SH3GL3: variants seen among roughly 807,000 people sequenced by gnomAD.
The protein encoded by SH3GL3 is endophilin-A3.
A neutral mutation model predicts 47.7 loss-of-function variants in SH3GL3; 33 were observed. The ratio of observed to expected loss-of-function variants is 0.69; its 90% CI spans 0.52 to 0.92. The LOEUF (loss-of-function observed/expected upper bound fraction) is 0.92, where lower values mean the gene tolerates loss of function less well. SH3GL3 is among the 40% of genes least tolerant of loss of function. SH3GL3 has a pLI of 0.00. For synonymous variants in SH3GL3, 155 were observed against 148.8 expected, an observed-to-expected ratio of 1.04 and a Z score of -0.30; for missense variants, 363 against 417.8, an observed-to-expected ratio of 0.87 and a Z score of 1.14.
chr15:83,566,365 AGTGTGTGTGTGTGTGTGTGTGT>A (rs57323112), intron 3 of SH3GL3, among the ~76,000 whole-genome samples: 1 of 136,626 alleles, frequency 7.3e-6, no homozygotes, highest in African/African-American at 2.7e-5. Flanking sequence ...AGAGAGAGAG[AGTGTGTGTGTGTGTGTGTGTGT>A]GTGTGTGTGT....
intron 1 of SH3GL3, among the ~76,000 whole-genome samples, chr15:83,558,010 G>A (rs558579063): frequency 3.3e-5 from 5 of 152,028 alleles, no homozygotes; most frequent in Admixed American, 1.3e-4. Context: ...TAGTAATACC[G>A]CATGTGTAAT....
intron 1 of SH3GL3, among the ~76,000 whole-genome samples, chr15:83,499,983 T>A (rs971906766): frequency 6.6e-6 from 1 of 152,182 alleles, no homozygotes; most frequent in East Asian, 1.9e-4. Context: ...AATGGACACA[T>A]GACACTGGAG....
intron 1 of SH3GL3, among the ~76,000 whole-genome samples, chr15:83,494,826 GACCCACCGC>G (rs943852957): frequency 6.6e-6 from 1 of 152,130 alleles, no homozygotes; most frequent in Admixed American, 6.6e-5. Flanking sequence ...TTACAGGTGT[GACCCACCGC>G]ACCTGGCCGC....
At chr15:83,539,583 A>G (rs1423552861) in intron 1 of SH3GL3, among the ~76,000 whole-genome samples, 3 of 152,138 alleles carry the variant, frequency 2.0e-5, no homozygotes, top group Admixed American at 2.0e-4. Context: ...TAAAATATTG[A>G]ATCTATTTGC....
At chr15:83,453,694 C>A (rs1377681565) in intron 1 of SH3GL3, among the ~76,000 whole-genome samples, 2 of 88,720 alleles carry the variant, frequency 2.3e-5, no homozygotes, top group African/African-American at 8.4e-5. Context: ...TGATTCTTCT[C>A]TCTTTTTTTC....
chr15:83,553,199 G>A (rs1408854855), intron 1 of SH3GL3, among the ~76,000 whole-genome samples: 1 of 152,090 alleles, frequency 6.6e-6, no homozygotes, highest in Non-Finnish European at 1.5e-5. Context: ...GCAACAAAGC[G>A]AGACCCTGTC....
intron 1 of SH3GL3, among the ~76,000 whole-genome samples, chr15:83,511,653 A>G (rs1413840612): frequency 6.6e-6 from 1 of 151,862 alleles, no homozygotes; most frequent in African/African-American, 2.4e-5. Flanking sequence ...AAGTCTAGAA[A>G]CTCCTATTTC....
At chr15:83,473,845 C>A (rs1164742738) in intron 1 of SH3GL3, among the ~76,000 whole-genome samples, 1 of 147,066 alleles carries the variant, frequency 6.8e-6, no homozygotes, top group East Asian at 2.1e-4. Context: ...CCGCGCCCGG[C>A]CTGTTGGGGC....
the SH3GL3 span, among the ~76,000 whole-genome samples, chr15:83,624,286 G>C: frequency 6.6e-6 from 1 of 152,174 alleles, no homozygotes. Context: ...CCTGGCCCCA[G>C]TGTATAACTG....
chr15:83,550,534 TG>T (rs534221050), intron 1 of SH3GL3, among the ~76,000 whole-genome samples: 103 of 152,130 alleles, frequency 6.8e-4, no homozygotes, highest in Non-Finnish European at 1.2e-3. Flanking sequence ...GGATTACAGG[TG>T]TGCACCACCA....
At chr15:83,576,796 A>G (rs1596296259) in intron 6 of SH3GL3, 55 bp downstream of exon 6, 2 of 1,260,500 alleles carry the variant, frequency 1.6e-6, no homozygotes, top group African/African-American at 1.5e-5. Context: ...AACATTGAAT[A>G]TATGACTATG....
chr15:83,590,115 T>C (rs7178716), intron 8 of SH3GL3, among the ~76,000 whole-genome samples: 12,267 of 152,176 alleles, frequency 0.081, 1,667 homozygotes, highest in African/African-American at 0.28. Context: ...TTTTTGGGAG[T>C]AGTTTGCTTT....
chr15:83,548,151 T>C (rs2044495764), intron 1 of SH3GL3, among the ~76,000 whole-genome samples: 1 of 151,784 alleles, frequency 6.6e-6, no homozygotes, highest in Non-Finnish European at 1.5e-5. Context: ...TTAACTCCCT[T>C]AGTGGTGGCT....
intron 1 of SH3GL3, among the ~76,000 whole-genome samples, chr15:83,487,687 G>T (rs2041668833): frequency 6.6e-6 from 1 of 152,108 alleles, no homozygotes; most frequent in Non-Finnish European, 1.5e-5. Context: ...GCCATTTGCA[G>T]TGTACCACTG....
At chr15:83,576,765 G>T in intron 6 of SH3GL3, 24 bp downstream of exon 6, 1 of 1,480,576 alleles carries the variant, frequency 6.8e-7, no homozygotes, top group Non-Finnish European at 9.3e-7. Flanking sequence ...CCAAATAGGA[G>T]ATTTTAATGT....
At chr15:83,626,087 C>A in the SH3GL3 span, among the ~76,000 whole-genome samples, 2 of 152,334 alleles carry the variant, frequency 1.3e-5, no homozygotes, top group South Asian at 4.1e-4. Context: ...CCGTGTTGGC[C>A]TCCCAAAGTG....
intron 1 of SH3GL3, among the ~76,000 whole-genome samples, chr15:83,506,257 T>C (rs2151618316): frequency 6.6e-6 from 1 of 152,382 alleles, no homozygotes; most frequent in South Asian, 2.1e-4. Flanking sequence ...ATCTGAAATT[T>C]TTTTAAAGCT....
chr15:83,553,685 T>C (rs920283544), intron 1 of SH3GL3, among the ~76,000 whole-genome samples: 2 of 152,180 alleles, frequency 1.3e-5, no homozygotes, highest in African/African-American at 4.8e-5. Flanking sequence ...ATGTCTAAAG[T>C]TATACCCATT....
intron 7 of SH3GL3, 90 bp downstream of exon 7, chr15:83,587,176 C>T: frequency 3.0e-6 from 2 of 664,080 alleles, no homozygotes; most frequent in South Asian, 2.0e-5. Context: ...TCTCCATCTC[C>T]CCCTTCCCCT....
Sources: gnomAD v4.1 joint callset for allele counts (sites outside exome capture counted in the v4.1 genomes callset) on GRCh38, gnomAD v4.1.1 for gene constraint, MANE v1.5 for transcripts, NCBI Gene and HGNC (gene_info 2026-07-23, HGNC 2026-07-21) for gene names.